SMYD3: variants seen among roughly 807,000 people sequenced by gnomAD.
SMYD3 encodes the protein histone-lysine N-methyltransferase SMYD3.
SMYD3 carries 36 observed loss-of-function variants against 57.7 expected under a neutral mutation model. That is an observed-to-expected ratio of 0.62 (90% CI 0.48 to 0.82). The LOEUF is 0.82. SMYD3 is among the 40% of genes least tolerant of loss of function. SMYD3 has a pLI of 0.00. For missense variants in SMYD3, 515 were observed against 538.8 expected (o/e 0.96, Z 0.44); for synonymous variants, 211 against 195.0 (o/e 1.08, Z -0.68).
At chr1:246,457,544 A>AAAAAAAAAAAAAG (rs2067719462) in intron 1 of SMYD3, among the ~76,000 whole-genome samples, 1 of 87,244 alleles carries the variant, frequency 1.1e-5, no homozygotes, top group Non-Finnish European at 2.5e-5. Context: ...AAAAAAAAAA[A>AAAAAAAAAAAAAG]AAAAGAAAAG....
chr1:246,188,037 A>G (rs1356573262), intron 5 of SMYD3, among the ~76,000 whole-genome samples: 1 of 152,154 alleles, frequency 6.6e-6, no homozygotes, highest in East Asian at 1.9e-4. Flanking sequence ...GGGATTTTTA[A>G]GAATGTATAA....
intron 1 of SMYD3, among the ~76,000 whole-genome samples, chr1:246,413,958 G>T (rs1030590690): frequency 2.0e-5 from 3 of 152,156 alleles, no homozygotes; most frequent in Non-Finnish European, 4.4e-5. Context: ...TTAACCTTAC[G>T]AATTAAATAT....
intron 5 of SMYD3, among the ~76,000 whole-genome samples, chr1:246,164,412 T>C (rs1337207034): frequency 1.3e-5 from 2 of 152,116 alleles, no homozygotes; most frequent in Non-Finnish European, 2.9e-5. Context: ...AGAGCGAGAC[T>C]CCGTCTCAAG....
chr1:246,459,502 T>C (rs2067762626), intron 1 of SMYD3, among the ~76,000 whole-genome samples: 1 of 151,978 alleles, frequency 6.6e-6, no homozygotes, highest in Non-Finnish European at 1.5e-5. Flanking sequence ...GATCTTGTTA[T>C]TTGAAAGTGC....
intron 11 of SMYD3, among the ~76,000 whole-genome samples, chr1:245,751,622 AAGAG>A (rs766381379): frequency 1.5e-5 from 2 of 131,148 alleles, no homozygotes; most frequent in Non-Finnish European, 3.3e-5. Flanking sequence ...GAGAGAGAAA[AAGAG>A]AGAGAGAGAG....
At chr1:246,277,550 C>T (rs927389345) in intron 5 of SMYD3, among the ~76,000 whole-genome samples, 1 of 152,078 alleles carries the variant, frequency 6.6e-6, no homozygotes, top group Non-Finnish European at 1.5e-5. Flanking sequence ...GGAAATAAAC[C>T]ACATGTCCAC....
At chr1:246,056,507 T>A (rs527509288) in intron 5 of SMYD3, among the ~76,000 whole-genome samples, 1 of 152,134 alleles carries the variant, frequency 6.6e-6, no homozygotes, top group East Asian at 1.9e-4. Flanking sequence ...GCTCAGTTTG[T>A]AACCACCGTG....
chr1:246,026,158 A>G (rs2059570300), intron 5 of SMYD3: 1 of 152,036 alleles, frequency 6.6e-6, no homozygotes, highest in Non-Finnish European at 1.5e-5. Context: ...ACCCGCCAAA[A>G]AAAAGAAAAG....
chr1:246,242,207 T>C (rs1400772361), intron 5 of SMYD3, among the ~76,000 whole-genome samples: 1 of 152,208 alleles, frequency 6.6e-6, no homozygotes, highest in Non-Finnish European at 1.5e-5. Flanking sequence ...AGATCTTTCC[T>C]GCTTTCTCTT....
At chr1:246,295,344 A>C (rs2064772588) in intron 5 of SMYD3, among the ~76,000 whole-genome samples, 1 of 152,228 alleles carries the variant, frequency 6.6e-6, no homozygotes, top group Admixed American at 6.5e-5. Flanking sequence ...AAAGGTCCTA[A>C]GATAGTAGCC....
intron 10 of SMYD3, among the ~76,000 whole-genome samples, chr1:245,789,805 G>C (rs1049869034): frequency 1.3e-5 from 2 of 152,196 alleles, no homozygotes; most frequent in Non-Finnish European, 2.9e-5. Flanking sequence ...GTACTTTCTA[G>C]CTGGCAATTA....
chr1:246,446,924 G>A (rs1318348440), intron 1 of SMYD3, among the ~76,000 whole-genome samples: 1 of 151,894 alleles, frequency 6.6e-6, no homozygotes, highest in African/African-American at 2.4e-5. Context: ...AGCTAGTCAG[G>A]AGGCTGAGGC....
At chr1:245,790,594 G>A (rs1236571887) in intron 10 of SMYD3, among the ~76,000 whole-genome samples, 2 of 152,232 alleles carry the variant, frequency 1.3e-5, no homozygotes, top group African/African-American at 4.8e-5. Context: ...AGAGTCACAA[G>A]CACATAATTA....
At chr1:245,997,232 A>G (rs1035425701) in intron 5 of SMYD3, among the ~76,000 whole-genome samples, 7 of 152,364 alleles carry the variant, frequency 4.6e-5, no homozygotes, top group South Asian at 4.1e-4. Flanking sequence ...AAAAAGATCA[A>G]TTTGTTAAAA....
chr1:246,288,340 C>T (rs899411268), intron 5 of SMYD3, among the ~76,000 whole-genome samples: 21 of 151,942 alleles, frequency 1.4e-4, no homozygotes, highest in African/African-American at 4.6e-4. Flanking sequence ...GATTTAGAAC[C>T]GTAGCTCCAC....
At chr1:245,925,977 A>G (rs201069173) in intron 7 of SMYD3, among the ~76,000 whole-genome samples, 2 of 152,170 alleles carry the variant, frequency 1.3e-5, no homozygotes, top group Non-Finnish European at 2.9e-5. Context: ...TTATAAATAA[A>G]TTTCTCACAG....
chr1:245,797,458 T>C (rs529883140), intron 10 of SMYD3, among the ~76,000 whole-genome samples: 420 of 136,480 alleles, frequency 3.1e-3, no homozygotes, highest in Admixed American at 8.2e-3. Flanking sequence ...TTCTCACTGA[T>C]AGGTGGGAAC....
chr1:246,390,061 A>G (rs1371186719), intron 1 of SMYD3, among the ~76,000 whole-genome samples: 1 of 152,028 alleles, frequency 6.6e-6, no homozygotes, highest in Non-Finnish European at 1.5e-5. Flanking sequence ...GTGGGAGACA[A>G]AAAGGGAAAA....
chr1:246,267,013 T>G (rs1427557432), intron 5 of SMYD3, among the ~76,000 whole-genome samples: 1 of 152,216 alleles, frequency 6.6e-6, no homozygotes, highest in African/African-American at 2.4e-5. Flanking sequence ...GATAGTTATA[T>G]CTAGTTTTAT....
Sources: allele counts gnomAD v4.1 joint callset (sites outside exome capture counted in the v4.1 genomes callset), GRCh38; gene constraint gnomAD v4.1.1; transcripts MANE v1.5; gene names NCBI Gene and HGNC (gene_info 2026-07-23, HGNC 2026-07-21).